Variants in PLET1 observed in about 807,000 individuals in gnomAD.
The protein encoded by PLET1 is placenta expressed transcript 1, also known as placenta-expressed transcript 1 protein.
In PLET1, 20 loss-of-function variants were observed where a neutral mutation model predicts 18.5. The observed-to-expected ratio is 1.08, with a 90% confidence interval of 0.76 to 1.57. The LOEUF is 1.57. Ranked by LOEUF, PLET1 falls within the 40% of genes most tolerant of loss-of-function variation. The pLI is 0.00. For synonymous variants in PLET1, 93 were observed against 93.8 expected, an observed-to-expected ratio of 0.99 and a Z score of 0.05; for missense variants, 256 against 246.4, an observed-to-expected ratio of 1.04 and a Z score of -0.26.
chr11:112,256,744 C>T lies in PLET1; in HGVS notation c.185-1155G>A, dbSNP rs116272711. Reference sequence around the variant, plus strand: ...TTTTGCCATTCACGGTTGTGTGATGCAGATCCCGCAGACCTCGACTTGCCC... The same window carrying T: ...TTTTGCCATTCACGGTTGTGTGATGTAGATCCCGCAGACCTCGACTTGCCC... On this transcript the variant is annotated intron_variant, in intron 1 of 3. Coordinates refer to ENST00000338832, the MANE Select transcript of PLET1 (RefSeq NM_001145024.1). Among the ~76,000 whole-genome samples the T allele has an allele frequency of 3.2e-3, 493 of 152,316 alleles. 4 individuals carry two copies. The highest frequency in any genetic ancestry group is 0.011 in the African/African-American group (466 of 41,570).
chr11:112,250,902 A>G (rs561686106), intron 3 of PLET1, among the ~76,000 whole-genome samples: 58 of 152,372 alleles, frequency 3.8e-4, no homozygotes, highest in African/African-American at 1.3e-3. Context: ...GGAAATAGTT[A>G]AGACATTCAT....
intron 1 of PLET1, among the ~76,000 whole-genome samples, chr11:112,256,866 C>T (rs887470963): frequency 1.4e-5 from 2 of 144,148 alleles, no homozygotes; most frequent in Admixed American, 7.3e-5. Context: ...GTCAGCTCTG[C>T]ACGGGTGTGC....
At chr11:112,256,614 T>C (rs907255346) in intron 1 of PLET1, among the ~76,000 whole-genome samples, 10 of 152,184 alleles carry the variant, frequency 6.6e-5, no homozygotes, top group Non-Finnish European at 1.3e-4. Flanking sequence ...TCCCGGAGAA[T>C]AAAGAGAAGA....
At chr11:112,254,956 TGATATGTATGTGAGTGTGGTGTGTGTG>T in intron 2 of PLET1, among the ~76,000 whole-genome samples, 1 of 24,508 alleles carries the variant, frequency 4.1e-5, no homozygotes, top group East Asian at 3.3e-3. Context: ...GTGGTGTGTG[TGATATGTATGTGAGTGTGGTGTGTGTG>T]TGATATGTGG....
chr11:112,249,125 C>G (rs565894756), intron 3 of PLET1, among the ~76,000 whole-genome samples, 151 bp from the exon 4 acceptor site: 1 of 152,112 alleles, frequency 6.6e-6, no homozygotes, highest in South Asian at 2.1e-4. Context: ...TCTCCAGTGC[C>G]AAGTGTTTTC....
chr11:112,251,155 T>A (rs1860150971), intron 3 of PLET1, among the ~76,000 whole-genome samples: 1 of 152,178 alleles, frequency 6.6e-6, no homozygotes, highest in African/African-American at 2.4e-5. Flanking sequence ...ATAGTTTTGA[T>A]GTAAGTCTAA....
chr11:112,257,905 G>A (rs1860240379), intron 1 of PLET1, among the ~76,000 whole-genome samples: 1 of 152,352 alleles, frequency 6.6e-6, no homozygotes. Context: ...ACACCTGCAA[G>A]GCAATCGTGG....
At chr11:112,256,537 G>A (rs1219594250) in intron 1 of PLET1, among the ~76,000 whole-genome samples, 4 of 152,140 alleles carry the variant, frequency 2.6e-5, no homozygotes. Flanking sequence ...CACCTGGCCT[G>A]GTTCTAGGTC....
In PLET1 at chr11:112,252,557, T is replaced by C. The variant is rs78301418; in HGVS notation, c.387-148A>G. 2.0e-3 allele frequency: 1,401 copies of C among 688,160 alleles called. 16 individuals carry two copies. In the African/African-American group the frequency reaches 0.023, roughly 11 times the overall value. 42.6% of individuals were successfully genotyped at this position (688,160 alleles called of 1,614,324 possible). A position where few individuals can be genotyped will look rare whatever the true frequency, so the allele number is the denominator to read the frequency against. Reference sequence around the variant, plus strand: ...ATGAGCAGATCATTAAATACTGGTCTGCTTTTGATTGATAAGATCCTCCAC... The same window carrying C: ...ATGAGCAGATCATTAAATACTGGTCCGCTTTTGATTGATAAGATCCTCCAC... On this transcript the variant is annotated intron_variant, in intron 2 of 3. Transcript: ENST00000338832.
At chr11:112,252,455 G>A (rs1263966198) in intron 2 of PLET1, 46 bp from the exon 3 acceptor site, 11 of 1,499,484 alleles carry the variant, frequency 7.3e-6, no homozygotes, top group South Asian at 6.1e-5. Context: ...GACCTCATGC[G>A]GAATTCACAA....
At chr11:112,253,205 G>A (rs945387406) in intron 2 of PLET1, among the ~76,000 whole-genome samples, 1 of 152,134 alleles carries the variant, frequency 6.6e-6, no homozygotes, top group Non-Finnish European at 1.5e-5. Context: ...ATTTGATTTG[G>A]GAGTTCAGGG....
intron 1 of PLET1, among the ~76,000 whole-genome samples, chr11:112,256,709 T>C (rs1860227885): frequency 6.6e-6 from 1 of 152,222 alleles, no homozygotes; most frequent in Non-Finnish European, 1.5e-5. Context: ...TTCTGTGTTC[T>C]GGTTGTTAGT....
rs547601564 is a variant in PLET1 at position 112,254,681 on chromosome 11, A to T, written c.386+707T>A. ...TGTGTGTGATGTGTATGTGGTATGT[A>T]TGTGTGTGTGGTGTGTGTGGTATGT... On this transcript the variant is annotated intron_variant, in intron 2 of 3. Coordinates refer to ENST00000338832, the MANE Select transcript of PLET1 (RefSeq NM_001145024.1). Among the ~76,000 whole-genome samples the T allele has an allele frequency of 3.7e-3, 292 of 79,760 alleles. 1 individual carries two copies. Among genetic ancestry groups the T allele is most frequent in the African/African-American group, 0.013 (268 of 19,928 alleles). The allele number at this position is 79,760 out of a possible 152,430, so 52.3% of individuals were successfully genotyped here. A position where few individuals can be genotyped will look rare whatever the true frequency, so the allele number is the denominator to read the frequency against.
chr11:112,254,774 TAC>T (rs1860199453), intron 2 of PLET1, among the ~76,000 whole-genome samples: 1 of 4,010 alleles, frequency 2.5e-4, no homozygotes. Flanking sequence ...CTGCGTGTGG[TAC>T]GCATCGTGTG....
Position 112,257,846 on chromosome 11 carries a change from TG to T in PLET1, c.185-2258del, listed in dbSNP as rs368808509. Among the ~76,000 whole-genome samples, 538 of 152,332 alleles carry T rather than the reference TG, an allele frequency of 3.5e-3. 3 individuals carry two copies. Among genetic ancestry groups the T allele is most frequent in the African/African-American group, 0.012 (515 of 41,582 alleles). On this transcript the variant is annotated intron_variant, in intron 1 of 3. Coordinates refer to ENST00000338832, the MANE Select transcript of PLET1 (RefSeq NM_001145024.1). Reference sequence around the variant, plus strand: ...CCAAAATAAGGAAAAGCGATTGGCCTGGGTGGCCATTTACTCAGAGTCCCCA... The same window carrying T: ...CCAAAATAAGGAAAAGCGATTGGCCTGGTGGCCATTTACTCAGAGTCCCCA...
intron 2 of PLET1, among the ~76,000 whole-genome samples, chr11:112,255,139 A>ATG (rs764398372): frequency 9.3e-6 from 1 of 107,522 alleles, no homozygotes; most frequent in Non-Finnish European, 1.9e-5. Flanking sequence ...TGTGGGGTGC[A>ATG]TGTGTGTGTG....
Position 112,255,376 on chromosome 11 carries a change from C to G in PLET1, c.386+12G>C. 1 of 1,551,856 alleles carries G rather than the reference C, an allele frequency of 6.4e-7. No individual in the cohort carries two copies. Among genetic ancestry groups the G allele is most frequent in the Non-Finnish European group, 8.7e-7 (1 of 1,146,798 alleles). The stretch of plus-strand genomic sequence containing the variant: ...ATTTTAAAGCCCAAAGCAAAGCAAG[C>G]TAGGTTCTTACTGTATCTCCACTTC... On this transcript the variant is annotated intron_variant, in intron 2 of 3. Transcript: ENST00000338832.
intron 1 of PLET1, among the ~76,000 whole-genome samples, chr11:112,259,656 T>G (rs1333644825): frequency 6.6e-6 from 1 of 152,158 alleles, no homozygotes; most frequent in Non-Finnish European, 1.5e-5. Flanking sequence ...TTCCCCTGTG[T>G]TGTTTATTAG....
rs933540320 is a variant in PLET1, at chr11:112,260,757, A to T, written c.-168T>A. 3 of 606,476 alleles carry T rather than the reference A, an allele frequency of 4.9e-6. No homozygotes were observed. Among genetic ancestry groups the T allele is most frequent in the Non-Finnish European group, 8.5e-6 (3 of 353,794 alleles). The allele number at this position is 606,476 out of a possible 1,614,324, so 37.6% of individuals were successfully genotyped here. ...AATTTGGCCCAAGACATCACCAGGA[A>T]TGAATCACCAGTCACCATTACCTGT... On this transcript the variant is annotated 5_prime_UTR_variant, in exon 1 of 4. Coordinates refer to ENST00000338832, the MANE Select transcript of PLET1 (RefSeq NM_001145024.1).
Sources: gnomAD v4.1 joint callset for allele counts (sites outside exome capture counted in the v4.1 genomes callset) on GRCh38, gnomAD v4.1.1 for gene constraint, MANE v1.5 for transcripts, NCBI Gene and HGNC (gene_info 2026-07-23, HGNC 2026-07-21) for gene names.